ADAM12: variants seen among roughly 807,000 people sequenced by gnomAD.
The protein encoded by ADAM12 is ADAM metallopeptidase domain 12.
Under a neutral mutation model 106.4 loss-of-function variants are expected in ADAM12, and 70 were observed. The ratio of observed to expected loss-of-function variants is 0.66; its 90% confidence interval spans 0.54 to 0.80. The LOEUF (loss-of-function observed/expected upper bound fraction) is 0.80, where lower values mean the gene tolerates loss of function less well. ADAM12 is among the 30% of genes least tolerant of loss of function. The pLI, the probability that ADAM12 is intolerant of heterozygous loss-of-function variation, is 0.00. For synonymous variants in ADAM12, 420 were observed against 433.5 expected (o/e 0.97, Z 0.39); for missense variants, 1,010 against 1,171.9 (o/e 0.86, Z 2.02).
chr10:126,077,847 C>T (rs1395482126), intron 11 of ADAM12, among the ~76,000 whole-genome samples: 1 of 152,106 alleles, frequency 6.6e-6, no homozygotes, highest in Non-Finnish European at 1.5e-5. Context: ...TTTAAGCAGG[C>T]AAAGGTCTGC....
At chr10:126,345,172 G>A (rs990886041) in intron 1 of ADAM12, among the ~76,000 whole-genome samples, 1 of 152,102 alleles carries the variant, frequency 6.6e-6, no homozygotes, top group Non-Finnish European at 1.5e-5. Flanking sequence ...GTCATAAATA[G>A]CTCTTATTAT....
At chr10:126,347,300 T>G (rs906065945) in intron 1 of ADAM12, among the ~76,000 whole-genome samples, 1 of 152,224 alleles carries the variant, frequency 6.6e-6, no homozygotes, top group African/African-American at 2.4e-5. Context: ...TGGCTGGATA[T>G]GAAATTCTGG....
At chr10:126,373,372 G>A (rs1856176973) in intron 1 of ADAM12, among the ~76,000 whole-genome samples, 1 of 152,130 alleles carries the variant, frequency 6.6e-6, no homozygotes, top group African/African-American at 2.4e-5. Context: ...GCTCAGCTTG[G>A]CCCCATCATT....
chr10:126,099,825 G>A (rs1955626403), intron 9 of ADAM12, among the ~76,000 whole-genome samples: 1 of 152,108 alleles, frequency 6.6e-6, no homozygotes, highest in South Asian at 2.1e-4. Context: ...AGCTACATTG[G>A]GTTTGTCAAA....
chr10:126,314,956 C>T (rs1268306933), intron 2 of ADAM12, among the ~76,000 whole-genome samples: 1 of 152,128 alleles, frequency 6.6e-6, no homozygotes, highest in Non-Finnish European at 1.5e-5. Flanking sequence ...TGTACAGAAG[C>T]TAGGACTGGT....
At chr10:126,323,654 G>C (rs1458663907) in intron 2 of ADAM12, among the ~76,000 whole-genome samples, 2 of 152,196 alleles carry the variant, frequency 1.3e-5, no homozygotes, top group Non-Finnish European at 2.9e-5. Flanking sequence ...TGCCCTGAGG[G>C]AGGGCACAGG....
chr10:126,360,368 C>CT (rs1250779617), intron 1 of ADAM12, among the ~76,000 whole-genome samples: 1 of 152,168 alleles, frequency 6.6e-6, no homozygotes, highest in Non-Finnish European at 1.5e-5. Context: ...ATTTTCCAAA[C>CT]TTTTATGCTC....
At chr10:126,356,138 ACT>A (rs1855529735) in intron 1 of ADAM12, among the ~76,000 whole-genome samples, 2 of 152,212 alleles carry the variant, frequency 1.3e-5, no homozygotes, top group African/African-American at 4.8e-5. Flanking sequence ...ATACATTTCT[ACT>A]GAAGCACCAG....
chr10:126,156,166 T>G (rs773936913), intron 3 of ADAM12, among the ~76,000 whole-genome samples: 8 of 152,164 alleles, frequency 5.3e-5, no homozygotes, highest in Non-Finnish European at 1.2e-4. Context: ...CCCATCTTGA[T>G]GACACCACGA....
chr10:126,096,099 C>T (rs1306109252), intron 10 of ADAM12, among the ~76,000 whole-genome samples: 2 of 152,154 alleles, frequency 1.3e-5, no homozygotes, highest in African/African-American at 4.8e-5. Flanking sequence ...TTTAGAGTTT[C>T]CTGTTGTAGG....
At position 126,242,632 on chromosome 10, in the gene ADAM12, C is replaced by A. The variant is rs549493281; in HGVS notation, c.260+36283G>T. Reference sequence around the variant, plus strand: ...ACGCCCCTGACACAGGCTGAGCAAACCCTTTTAATGAAGACCAATTGTGCT... The same window carrying A: ...ACGCCCCTGACACAGGCTGAGCAAAACCTTTTAATGAAGACCAATTGTGCT... On this transcript the variant is annotated intron_variant, in intron 3 of 22. Coordinates refer to ENST00000448723, the MANE Select transcript of ADAM12 (RefSeq NM_001288973.2). Among the ~76,000 whole-genome samples, 3 of 152,290 alleles carry A rather than the reference C, an allele frequency of 2.0e-5. No individual in the cohort carries two copies. The East Asian group carries it at 5.8e-4, about 29-fold the overall frequency.
intron 14 of ADAM12, among the ~76,000 whole-genome samples, chr10:126,058,158 C>G (rs565311071): frequency 6.6e-6 from 1 of 152,348 alleles, no homozygotes; most frequent in African/African-American, 2.4e-5. Flanking sequence ...TTTCCCTCCT[C>G]CCAAGGTTGT....
chr10:126,199,831 C>T (rs1957665423), intron 3 of ADAM12, among the ~76,000 whole-genome samples: 2 of 152,152 alleles, frequency 1.3e-5, no homozygotes, highest in African/African-American at 4.8e-5. Context: ...TTGTGCATGA[C>T]CTTGAGAAAG....
chr10:126,371,188 G>C lies in ADAM12; in HGVS notation c.88+16870C>G, dbSNP rs147457319. On this transcript the variant is annotated intron_variant, in intron 1 of 22. Coordinates refer to ENST00000448723, the MANE Select transcript of ADAM12 (RefSeq NM_001288973.2). ...GTGCCTGCCTCCCAGGGCATGGTGA[G>C]AATGTATGAGAAGCTACTGAACCAG... Among the ~76,000 whole-genome samples, 296 of 152,286 alleles carry C rather than the reference G, an allele frequency of 1.9e-3. 1 individual carries two copies. Among genetic ancestry groups the C allele is most frequent in the African/African-American group, 6.7e-3 (279 of 41,546 alleles).
At chr10:126,362,191 C>T (rs191370705) in intron 1 of ADAM12, among the ~76,000 whole-genome samples, 2 of 151,990 alleles carry the variant, frequency 1.3e-5, no homozygotes, top group East Asian at 3.9e-4. Flanking sequence ...AAAAAAAGTC[C>T]AACATAAATA....
chr10:126,340,581 T>C (rs188711371), intron 1 of ADAM12, among the ~76,000 whole-genome samples: 4 of 152,280 alleles, frequency 2.6e-5, no homozygotes, highest in Admixed American at 6.5e-5. Context: ...TTAGGAAAAC[T>C]TGGAGTATGA....
intron 17 of ADAM12, among the ~76,000 whole-genome samples, chr10:126,045,513 C>A (rs11244785): frequency 0.19 from 28,342 of 152,064 alleles, 3,537 homozygotes; most frequent in Non-Finnish European, 0.28. Flanking sequence ...TAATATGATT[C>A]CATTGGAAAT....
intron 1 of ADAM12, among the ~76,000 whole-genome samples, chr10:126,358,032 A>G (rs377595284): frequency 6.6e-6 from 1 of 152,180 alleles, no homozygotes; most frequent in African/African-American, 2.4e-5. Context: ...AGTAAAGAAA[A>G]TTGGGCGAGG....
At chr10:126,236,371 G>A (rs933740053) in intron 3 of ADAM12, among the ~76,000 whole-genome samples, 2 of 152,212 alleles carry the variant, frequency 1.3e-5, no homozygotes, top group Admixed American at 1.3e-4. Flanking sequence ...GGGATAAGTG[G>A]GGAGCAGGAG....
Sources: allele counts gnomAD v4.1 joint callset (sites outside exome capture counted in the v4.1 genomes callset), GRCh38; gene constraint gnomAD v4.1.1; transcripts MANE v1.5; gene names NCBI Gene and HGNC (gene_info 2026-07-23, HGNC 2026-07-21).